Variants in MT1F observed in about 807,000 individuals in gnomAD.
The protein encoded by MT1F is metallothionein 1F.
In MT1F, 6 loss-of-function variants were observed where a neutral mutation model predicts 5.4. The observed-to-expected ratio is 1.11, with a 90% confidence interval of 0.61 to 2.19. MT1F has a LOEUF of 2.19. MT1F is among the 30% of genes most tolerant of loss of function. MT1F has a pLI of 0.00. For missense variants in MT1F, 82 were observed against 77.0 expected, an observed-to-expected ratio of 1.07 and a Z score of -0.24; for synonymous variants, 28 against 28.3, an observed-to-expected ratio of 0.99 and a Z score of 0.04.
chr16:56,658,891 C>T (rs1960656380), intron 2 of MT1F, 151 bp downstream of exon 2: 9 of 1,158,022 alleles, frequency 7.8e-6, no homozygotes, highest in East Asian at 7.2e-5. Context: ...CTGTGCAGGG[C>T]GCCTGGGCAG....
At chr16:56,658,989 G>A in intron 2 of MT1F, 84 bp from the exon 3 acceptor site, 1 of 1,249,118 alleles carries the variant, frequency 8.0e-7, no homozygotes, top group African/African-American at 1.5e-5. Context: ...CTTTGTGGCT[G>A]GAGGCTCTGT....
intron 2 of MT1F, 93 bp downstream of exon 2, chr16:56,658,833 G>C: frequency 6.7e-7 from 1 of 1,489,830 alleles, no homozygotes. Flanking sequence ...TGGGGAACTG[G>C]CCTTCCTTTG....
intron 1 of MT1F, 95 bp from the exon 2 acceptor site, chr16:56,658,580 G>A (rs1960649851): frequency 6.3e-6 from 8 of 1,265,042 alleles, no homozygotes; most frequent in Admixed American, 1.8e-5. Flanking sequence ...GGCTGGCCCC[G>A]CACAGAGGAG....
intron 1 of MT1F, 97 bp from the exon 2 acceptor site, chr16:56,658,578 C>T (rs1960649757): frequency 2.4e-6 from 3 of 1,276,244 alleles, no homozygotes; most frequent in Middle Eastern, 1.8e-4. Context: ...AGGGCTGGCC[C>T]CGCACAGAGG....
intron 1 of MT1F, chr16:56,658,417 A>G (rs1960647705): frequency 1.0e-5 from 6 of 595,360 alleles, no homozygotes; most frequent in Admixed American, 3.0e-5. Flanking sequence ...GGGGTTCAGG[A>G]CAGAAAGTCG....
chr16:56,659,272 A>G lies in MT1F; in HGVS notation c.*108A>G. The stretch of plus-strand genomic sequence containing the variant: ...TGCTACATTCCTTTTCCTGTGAAAT[A>G]TGTGAGTGATAATTAAACACTTTAG... On this transcript the variant is annotated 3_prime_UTR_variant, in exon 3 of 3. Transcript: ENST00000334350. 9.6e-7 allele frequency: 1 copy of G among 1,047,012 alleles called. No individual in the cohort carries two copies. Among genetic ancestry groups the G allele is most frequent in the Non-Finnish European group, 1.4e-6 (1 of 695,982 alleles). 64.9% of individuals were successfully genotyped at this position (1,047,012 alleles called of 1,614,324 possible).
At chr16:56,658,131 A>T (rs757939763) in intron 1 of MT1F, 45 bp downstream of exon 1, 1 of 1,609,760 alleles carries the variant, frequency 6.2e-7, no homozygotes, top group Admixed American at 1.7e-5. Context: ...CGATTCCCAG[A>T]CACCATAGAG....
intron 1 of MT1F, 55 bp from the exon 2 acceptor site, chr16:56,658,620 T>C: frequency 1.9e-6 from 3 of 1,581,708 alleles, no homozygotes; most frequent in Non-Finnish European, 2.6e-6. Context: ...AACTCACTGC[T>C]GTACCTCCTG....
At chr16:56,658,848 C>G in intron 2 of MT1F, 108 bp downstream of exon 2, 1 of 1,423,642 alleles carries the variant, frequency 7.0e-7, no homozygotes, top group Non-Finnish European at 9.9e-7. Flanking sequence ...CCTTTGTCCC[C>G]GTAGGTTGTC....
chr16:56,659,229 A>G lies in MT1F; in HGVS notation c.*65A>G. 6.9e-7 allele frequency: 1 copy of G among 1,438,958 alleles called. No individual in the cohort carries two copies. The highest frequency in any genetic ancestry group is 9.7e-7 in the Non-Finnish European group (1 of 1,026,386). The allele number at this position is 1,438,958 out of a possible 1,614,324, so 89.1% of individuals were successfully genotyped here. On this transcript the variant is annotated 3_prime_UTR_variant, in exon 3 of 3. Transcript: ENST00000334350. Reference sequence around the variant, plus strand: ...ATGTACAAACCTGGATTTTTTTTTTATACCACCTTGACCCATTTGCTACAT... The same window carrying G: ...ATGTACAAACCTGGATTTTTTTTTTGTACCACCTTGACCCATTTGCTACAT...
At chr16:56,658,308 C>G in intron 1 of MT1F, 1 of 606,698 alleles carries the variant, frequency 1.6e-6, no homozygotes, top group Admixed American at 3.0e-5. Context: ...TCCTGCTCCA[C>G]GTCATGCGGT....
rs1281082581 is a variant in MT1F, at chr16:56,659,217, G to T, written c.*53G>T. On this transcript the variant is annotated 3_prime_UTR_variant, in exon 3 of 3. Transcript: ENST00000334350. The stretch of plus-strand genomic sequence containing the variant: ...AAACAGAGAGACATGTACAAACCTG[G>T]ATTTTTTTTTTATACCACCTTGACC... 1.3e-6 allele frequency: 2 copies of T among 1,581,936 alleles called. No homozygotes were observed. Among genetic ancestry groups the T allele is most frequent in the Non-Finnish European group, 1.7e-6 (2 of 1,157,432 alleles).
chr16:56,658,880 C>G, intron 2 of MT1F, 140 bp downstream of exon 2: 1 of 1,235,246 alleles, frequency 8.1e-7, no homozygotes, highest in Non-Finnish European at 1.2e-6. Flanking sequence ...AGTCTTCTGC[C>G]CTGTGCAGGG....
chr16:56,658,886 C>T (rs1236795916), intron 2 of MT1F, 146 bp downstream of exon 2: 10 of 1,193,434 alleles, frequency 8.4e-6, no homozygotes, highest in Non-Finnish European at 9.9e-6. Context: ...CTGCCCTGTG[C>T]AGGGCGCCTG....
rs1422515758 is a variant in MT1F, at chr16:56,659,241, C to T, written c.*77C>T. The T allele has an allele frequency of 8.0e-6, 11 of 1,378,496 alleles. No homozygotes were observed. The highest frequency in any genetic ancestry group is 9.2e-6 in the Non-Finnish European group (9 of 975,314). The allele number at this position is 1,378,496 out of a possible 1,614,324, so 85.4% of individuals were successfully genotyped here. On this transcript the variant is annotated 3_prime_UTR_variant, in exon 3 of 3. Coordinates refer to ENST00000334350, the MANE Select transcript of MT1F (RefSeq NM_005949.4). ...GGATTTTTTTTTTATACCACCTTGA[C>T]CCATTTGCTACATTCCTTTTCCTGT... is the stretch of plus-strand genomic sequence containing the variant.
In MT1F at chr16:56,657,962, A is replaced by G. The variant is rs946561166; in HGVS notation, c.-97A>G. ...CGCCCGGCCCCCTCCCCTGACTATC[A>G]AAGCAGCGGCCGGCTGTTGGGGTCC... On this transcript the variant is annotated 5_prime_UTR_variant, in exon 1 of 3. Transcript: ENST00000334350. 7 of 1,331,762 alleles carry G rather than the reference A, an allele frequency of 5.3e-6. No homozygotes were observed. In the Admixed American group the frequency reaches 9.5e-5, roughly 18 times the overall value. The allele number at this position is 1,331,762 out of a possible 1,614,324, so 82.5% of individuals were successfully genotyped here.
chr16:56,658,950 C>A (rs1960657234), intron 2 of MT1F, 123 bp from the exon 3 acceptor site: 1 of 1,084,826 alleles, frequency 9.2e-7, no homozygotes, highest in Admixed American at 1.8e-5. Flanking sequence ...TGTCTCCTGA[C>A]AAAGCCATAC....
intron 1 of MT1F, 113 bp downstream of exon 1, chr16:56,658,199 G>T: frequency 1.6e-6 from 2 of 1,224,208 alleles, no homozygotes; most frequent in Non-Finnish European, 1.2e-6. Flanking sequence ...GGGACTCCTT[G>T]ACTTAGTCCA....
chr16:56,658,404 T>G, intron 1 of MT1F: 1 of 590,348 alleles, frequency 1.7e-6, no homozygotes, highest in Non-Finnish European at 3.0e-6. Context: ...ACATTGCCTC[T>G]TCGGGGTTCA....
Sources: allele counts gnomAD v4.1 joint callset, GRCh38; gene constraint gnomAD v4.1.1; transcripts MANE v1.5; gene names NCBI Gene and HGNC (gene_info 2026-07-23, HGNC 2026-07-21).